The following SNX30 variants were observed in gnomAD, a reference collection of about 807,000 sequenced individuals.
The protein encoded by SNX30 is sorting nexin-30.
A neutral mutation model predicts 46.4 loss-of-function variants in SNX30; 24 were observed. That is an observed-to-expected ratio of 0.52 (90% CI 0.37 to 0.73). SNX30 has a LOEUF of 0.73. Among genes scored for constraint, SNX30 ranks in the 30% least tolerant of loss-of-function variants. SNX30 has a pLI of 0.00. For missense variants in SNX30, 533 were observed against 555.7 expected, an observed-to-expected ratio of 0.96 and a Z score of 0.41; for synonymous variants, 189 against 211.5, an observed-to-expected ratio of 0.89 and a Z score of 0.92.
intron 8 of SNX30, among the ~76,000 whole-genome samples, chr9:112,867,247 T>C (rs1364683342): frequency 1.2e-4 from 16 of 131,540 alleles, no homozygotes; most frequent in Non-Finnish European, 2.1e-4. Context: ...CTCCTCAGGA[T>C]TTTTCCTCCC....
At position 112,855,943 on chromosome 9, in the gene SNX30, G is replaced by A. The variant is rs151172294; in HGVS notation, c.1101+4998G>A. 7.6e-4 allele frequency among the ~76,000 whole-genome samples: 115 copies of A among 152,232 alleles called. 1 individual carries two copies. The highest frequency in any genetic ancestry group is 2.6e-3 in the African/African-American group (110 of 41,534). ...CATCAGAGCTCTTACAGAAGATAAG[G>A]AGAAGCTGAGGAATTAGATTTTAAA... On this transcript the variant is annotated intron_variant, in intron 7 of 8. Transcript: ENST00000374232.
At position 112,874,715 on chromosome 9, in the gene SNX30, C is replaced by T. The variant is rs1020801222; in HGVS notation, c.*5872C>T. 1 of 152,064 alleles carries T rather than the reference C, an allele frequency of 6.6e-6. No individual in the cohort carries two copies. The highest frequency in any genetic ancestry group is 2.4e-5 in the African/African-American group (1 of 41,422). The allele number at this position is 152,064 out of a possible 1,614,324, so 9.4% of individuals were successfully genotyped here. The stretch of plus-strand genomic sequence containing the variant: ...AGCTACCAAACTTTAAAAAGAATGT[C>T]ACCCTTTTTTTTGTTTGTTATGGAA... On this transcript the variant is annotated 3_prime_UTR_variant, in exon 9 of 9. Transcript: ENST00000374232.
Position 112,868,908 on chromosome 9 carries a change from C to T in SNX30, c.*65C>T, listed in dbSNP as rs1841402646. The T allele has an allele frequency of 2.0e-6, 3 of 1,484,556 alleles. No homozygotes were observed. The highest frequency in any genetic ancestry group is 1.4e-5 in the African/African-American group (1 of 72,458). 92.0% of individuals were successfully genotyped at this position (1,484,556 alleles called of 1,614,324 possible). A position where few individuals can be genotyped will look rare whatever the true frequency, so the allele number is the denominator to read the frequency against. ...GCCTGGCACCCTATACCGGAATGTC[C>T]CTGCAGTGCCAGAGACGCAGTGCTG... On this transcript the variant is annotated 3_prime_UTR_variant, in exon 9 of 9. Coordinates refer to ENST00000374232, the MANE Select transcript of SNX30 (RefSeq NM_001012994.2).
intron 1 of SNX30, among the ~76,000 whole-genome samples, chr9:112,778,699 T>C (rs1039297810): frequency 2.6e-5 from 4 of 152,140 alleles, no homozygotes; most frequent in African/African-American, 9.7e-5. Flanking sequence ...AGACCAGAGA[T>C]ATAGTTAGGA....
intron 7 of SNX30, among the ~76,000 whole-genome samples, chr9:112,863,595 T>G (rs970905491): frequency 1.9e-4 from 29 of 152,378 alleles, no homozygotes; most frequent in Admixed American, 5.9e-4. Flanking sequence ...TCAAATTTTT[T>G]TGACATGCAT....
At chr9:112,837,658 G>A (rs1588133532) in intron 5 of SNX30, among the ~76,000 whole-genome samples, 1 of 151,476 alleles carries the variant, frequency 6.6e-6, no homozygotes, top group Non-Finnish European at 1.5e-5. Flanking sequence ...TGTATTTTTA[G>A]TAGAGATTGG....
In SNX30 at chr9:112,785,518, G is replaced by A. The variant is rs1839909215; in HGVS notation, c.157-19258G>A. 2.0e-5 allele frequency among the ~76,000 whole-genome samples: 3 copies of A among 152,114 alleles called. No homozygotes were observed. In the South Asian group the frequency reaches 6.2e-4, roughly 32 times the overall value. ...CATGCCTTAGCCTCCTGAGTAGCTG[G>A]GATTACAGGCATTTGCCACCATGCC... On this transcript the variant is annotated intron_variant, in intron 1 of 8. Transcript: ENST00000374232.
Position 112,872,002 on chromosome 9 carries a change from C to T in SNX30, c.*3159C>T, listed in dbSNP as rs1324931. 141,295 of 152,280 alleles carry T rather than the reference C, an allele frequency of 0.93. 65,604 individuals are homozygous for T. The highest frequency in any genetic ancestry group is 1 in the East Asian group (5,166 of 5,172). The allele number at this position is 152,280 out of a possible 1,614,324, so 9.4% of individuals were successfully genotyped here. A position where few individuals can be genotyped will look rare whatever the true frequency, so the allele number is the denominator to read the frequency against. ...TTATGGAGATGATTGGCTCCATATT[C>T]CACCACGTCATTCCTTCAACTCACC... is the stretch of plus-strand genomic sequence containing the variant. On this transcript the variant is annotated 3_prime_UTR_variant, in exon 9 of 9. Coordinates refer to ENST00000374232, the MANE Select transcript of SNX30 (RefSeq NM_001012994.2).
intron 1 of SNX30, among the ~76,000 whole-genome samples, chr9:112,764,754 G>A: frequency 6.6e-6 from 1 of 152,144 alleles, no homozygotes; most frequent in East Asian, 1.9e-4. Flanking sequence ...TTAGTGGTTT[G>A]CTTGCAAATA....
downstream of SNX30, chr9:112,877,033 G>A (rs1436784425): frequency 6.6e-6 from 1 of 152,138 alleles, no homozygotes; most frequent in Non-Finnish European, 1.5e-5. Flanking sequence ...TTAAATGAGG[G>A]CTTGTGAGAC....
At chr9:112,751,987 C>A (rs1839285647) in intron 1 of SNX30, among the ~76,000 whole-genome samples, 1 of 152,144 alleles carries the variant, frequency 6.6e-6, no homozygotes, top group Non-Finnish European at 1.5e-5. Context: ...GTGATTGTAT[C>A]CCCGCTCCTG....
chr9:112,805,053 C>T (rs1271009495), intron 2 of SNX30, 86 bp downstream of exon 2: 2 of 999,574 alleles, frequency 2.0e-6, no homozygotes, highest in East Asian at 5.1e-5. Flanking sequence ...TTGCTCTCCC[C>T]CTTATTGTAC....
At chr9:112,867,297 C>T (rs1208090449) in intron 8 of SNX30, among the ~76,000 whole-genome samples, 3 of 150,758 alleles carry the variant, frequency 2.0e-5, no homozygotes, top group Admixed American at 6.6e-5. Context: ...CTCCTCCCTC[C>T]TCAGAACTCC....
intron 1 of SNX30, among the ~76,000 whole-genome samples, chr9:112,766,968 C>G (rs1464530236): frequency 6.6e-6 from 1 of 152,060 alleles, no homozygotes; most frequent in Non-Finnish European, 1.5e-5. Flanking sequence ...GGATATATAC[C>G]TAGAAGGGGA....
At chr9:112,817,376 C>T (rs1480288887) in intron 2 of SNX30, among the ~76,000 whole-genome samples, 5 of 61,486 alleles carry the variant, frequency 8.1e-5, no homozygotes, top group South Asian at 6.3e-4. Flanking sequence ...TATTTCCTGA[C>T]GGTAGGGAAA....
chr9:112,773,142 TAG>T, intron 1 of SNX30, among the ~76,000 whole-genome samples: 1 of 152,338 alleles, frequency 6.6e-6, no homozygotes, highest in South Asian at 2.1e-4. Flanking sequence ...TGCAGCTGCG[TAG>T]AGAGAATAGA....
chr9:112,845,777 A>G (rs1357206976), intron 6 of SNX30, among the ~76,000 whole-genome samples: 1 of 152,178 alleles, frequency 6.6e-6, no homozygotes, highest in Non-Finnish European at 1.5e-5. Flanking sequence ...TCCTATGGAG[A>G]ATGTCAACAA....
At position 112,801,210 on chromosome 9, in the gene SNX30, T is replaced by G. The variant is rs1314115723; in HGVS notation, c.157-3566T>G. On this transcript the variant is annotated intron_variant, in intron 1 of 8. Coordinates refer to ENST00000374232, the MANE Select transcript of SNX30 (RefSeq NM_001012994.2). ...GTTTGCTCTTGCTTTTCTAGTTCTTTTAATTGTGATGTTAGGGTGGGTGTC... is the reference window on the plus strand; with the variant it reads ...GTTTGCTCTTGCTTTTCTAGTTCTTGTAATTGTGATGTTAGGGTGGGTGTC... 7.8e-5 allele frequency among the ~76,000 whole-genome samples: 2 copies of G among 25,742 alleles called. 1 individual carries two copies. Among genetic ancestry groups the G allele is most frequent in the East Asian group, 2.2e-3 (2 of 902 alleles). 16.9% of individuals were successfully genotyped at this position (25,742 alleles called of 152,430 possible). A position where few individuals can be genotyped will look rare whatever the true frequency, so the allele number is the denominator to read the frequency against.
intron 7 of SNX30, among the ~76,000 whole-genome samples, chr9:112,854,619 C>T (rs1323809979): frequency 6.6e-6 from 1 of 152,192 alleles, no homozygotes; most frequent in Non-Finnish European, 1.5e-5. Flanking sequence ...AATAGACTGT[C>T]CTGGTGGTGT....
Sources: gnomAD v4.1 joint callset for allele counts (sites outside exome capture counted in the v4.1 genomes callset) on GRCh38, gnomAD v4.1.1 for gene constraint, MANE v1.5 for transcripts, NCBI Gene and HGNC (gene_info 2026-07-23, HGNC 2026-07-21) for gene names.